GALNT13: variants seen among roughly 807,000 people sequenced by gnomAD.
GALNT13 encodes the protein polypeptide N-acetylgalactosaminyltransferase 13, also known as UDP-GalNAc:polypeptide N-acetylgalactosaminyltransferase 13.
In GALNT13, 28 loss-of-function variants were observed where a neutral mutation model predicts 64.2. That is an observed-to-expected ratio of 0.44 (90% confidence interval 0.32 to 0.60). The LOEUF (loss-of-function observed/expected upper bound fraction) is 0.60. Among genes scored for constraint, GALNT13 ranks in the 20% least tolerant of loss-of-function variants. GALNT13 has a pLI of 0.05. For missense variants in GALNT13, 577 were observed against 669.8 expected (o/e 0.86, Z 1.53); for synonymous variants, 214 against 224.6 (o/e 0.95, Z 0.42).
At chr2:153,800,647 G>A in the GALNT13 span, among the ~76,000 whole-genome samples, 9 of 152,114 alleles carry the variant, frequency 5.9e-5, no homozygotes, top group East Asian at 1.9e-4. Context: ...TTTCAACGAC[G>A]TTCACAAGCA....
intron 4 of GALNT13, among the ~76,000 whole-genome samples, chr2:154,147,556 T>G (rs1574599798): frequency 6.6e-6 from 1 of 151,408 alleles, no homozygotes; most frequent in Non-Finnish European, 1.5e-5. Context: ...GAAAGGAGAG[T>G]GTAGACAAGC....
chr2:154,233,037 CAAAAAA>C (rs375484057), intron 4 of GALNT13, among the ~76,000 whole-genome samples: 3 of 59,066 alleles, frequency 5.1e-5, no homozygotes, highest in African/African-American at 1.8e-4. Context: ...GACCCTGTCT[CAAAAAA>C]AAAAAAAAAA....
At chr2:154,171,959 CTT>C (rs1362771877) in intron 4 of GALNT13, among the ~76,000 whole-genome samples, 1 of 133,612 alleles carries the variant, frequency 7.5e-6, no homozygotes, top group African/African-American at 3.0e-5. Context: ...AAAATTAAAT[CTT>C]TCTTTCTCAT....
chr2:153,539,621 T>G, the GALNT13 span, among the ~76,000 whole-genome samples: 2 of 151,724 alleles, frequency 1.3e-5, no homozygotes, highest in African/African-American at 4.9e-5. Context: ...GGCTAGCCAG[T>G]TTTCCCAGCA....
Position 154,136,621 on chromosome 2 carries a change from A to G in GALNT13, c.143-3716A>G, listed in dbSNP as rs1277220350. ...TAACACTGGGAATTCTAAGATTAAA[A>G]TAAATGTAAATTAAATTTTTTAAGT... On this transcript the variant is annotated intron_variant, in intron 3 of 12. Transcript: ENST00000392825. Among the ~76,000 whole-genome samples the G allele has an allele frequency of 2.0e-5, 3 of 152,290 alleles. No individual in the cohort carries two copies. In the East Asian group the frequency reaches 5.8e-4, roughly 29 times the overall value.
chr2:153,069,972 C>A, the GALNT13 span, among the ~76,000 whole-genome samples: 13 of 152,224 alleles, frequency 8.5e-5, no homozygotes, highest in African/African-American at 3.1e-4. Flanking sequence ...ATACTAACTT[C>A]TTGCATAAAG....
the GALNT13 span, among the ~76,000 whole-genome samples, chr2:153,635,454 G>GTATATATATACACATA: frequency 6.9e-6 from 1 of 145,546 alleles, no homozygotes; most frequent in African/African-American, 2.5e-5. Context: ...ACATATATAT[G>GTATATATATACACATA]TATATGTGTA....
At chr2:154,069,472 A>C (rs1010884013) in intron 3 of GALNT13, among the ~76,000 whole-genome samples, 6 of 152,032 alleles carry the variant, frequency 3.9e-5, no homozygotes, top group Admixed American at 6.6e-5. Flanking sequence ...ATATTAAAAT[A>C]CTGCTTAGAG....
At chr2:153,632,686 A>G in the GALNT13 span, among the ~76,000 whole-genome samples, 1 of 152,102 alleles carries the variant, frequency 6.6e-6, no homozygotes, top group Non-Finnish European at 1.5e-5. Flanking sequence ...TTATTTAATA[A>G]TATGCATTAA....
intron 11 of GALNT13, among the ~76,000 whole-genome samples, chr2:154,438,049 G>C (rs917711659): frequency 6.6e-6 from 1 of 152,020 alleles, no homozygotes; most frequent in African/African-American, 2.4e-5. Context: ...CCATATTAGA[G>C]AGATAAGTGT....
chr2:153,777,377 A>G, the GALNT13 span, among the ~76,000 whole-genome samples: 1 of 152,160 alleles, frequency 6.6e-6, no homozygotes. Context: ...CATTTCAAAG[A>G]GGATGCTATG....
the GALNT13 span, among the ~76,000 whole-genome samples, chr2:153,093,208 T>A: frequency 6.6e-6 from 1 of 151,688 alleles, no homozygotes; most frequent in South Asian, 2.1e-4. Flanking sequence ...CACTTGGTCA[T>A]GATGAAGGAT....
the GALNT13 span, among the ~76,000 whole-genome samples, chr2:153,334,731 C>G: frequency 6.6e-6 from 1 of 152,044 alleles, no homozygotes; most frequent in Non-Finnish European, 1.5e-5. Context: ...ATGTGATAGT[C>G]TGTCTGAAAT....
the GALNT13 span, among the ~76,000 whole-genome samples, chr2:153,562,526 C>A: frequency 0.32 from 48,516 of 151,808 alleles, 7,978 homozygotes; most frequent in Middle Eastern, 0.42. Context: ...GTTATGTCAT[C>A]TCCATTAATT....
chr2:154,323,968 T>C lies in GALNT13; in HGVS notation c.1156+22379T>C, dbSNP rs114823767. ...ACTTTGTCCATGGTGTTTATTTTAT[T>C]AAACAAGATTCATTTTAAAAAATTT... On this transcript the variant is annotated intron_variant, in intron 9 of 12. Coordinates refer to ENST00000392825, the MANE Select transcript of GALNT13 (RefSeq NM_052917.4). 8.7e-3 allele frequency among the ~76,000 whole-genome samples: 1,328 copies of C among 152,226 alleles called. 14 individuals are homozygous for C. The highest frequency in any genetic ancestry group is 0.034 in the South Asian group (166 of 4,820).
At chr2:153,630,799 ATATATATATTTTTTTTTT>A in the GALNT13 span, among the ~76,000 whole-genome samples, 4 of 16,166 alleles carry the variant, frequency 2.5e-4, no homozygotes, top group Admixed American at 8.2e-4. Context: ...ATATATATAT[ATATATATATTTTTTTTTT>A]TTTTTTTATT....
chr2:153,891,376 C>T (rs532891568), intron 1 of GALNT13, among the ~76,000 whole-genome samples: 118 of 151,860 alleles, frequency 7.8e-4, no homozygotes, highest in African/African-American at 2.7e-3. Context: ...TTTTTCTTCT[C>T]AAATTCCACT....
chr2:153,185,258 T>C, the GALNT13 span, among the ~76,000 whole-genome samples: 2 of 152,206 alleles, frequency 1.3e-5, no homozygotes, highest in African/African-American at 4.8e-5. Flanking sequence ...TAGGAGTGTT[T>C]ATAGTATTCT....
chr2:153,097,663 GA>G, the GALNT13 span, among the ~76,000 whole-genome samples: 1 of 152,136 alleles, frequency 6.6e-6, no homozygotes, highest in Admixed American at 6.5e-5. Flanking sequence ...CTTTTATTCA[GA>G]GTTAATTTTT....
Sources: allele counts gnomAD v4.1 joint callset (sites outside exome capture counted in the v4.1 genomes callset), GRCh38; gene constraint gnomAD v4.1.1; transcripts MANE v1.5; gene names NCBI Gene and HGNC (gene_info 2026-07-23, HGNC 2026-07-21).